The following SETBP1 variants were observed in gnomAD, a reference collection of about 807,000 sequenced individuals.
The protein encoded by SETBP1 is SET binding protein 1, also known as SET-binding protein.
A neutral mutation model predicts 101.0 loss-of-function variants in SETBP1; 9 were observed. That is an observed-to-expected ratio of 0.09 (90% CI 0.05 to 0.16). SETBP1 has a LOEUF of 0.16. SETBP1 is among the 10% of genes least tolerant of loss of function. The probability of loss-of-function intolerance (pLI) is 1.00; values close to 1 mark genes in which losing one functional copy is unlikely to be tolerated. For synonymous variants in SETBP1, 818 were observed against 788.5 expected (o/e 1.04, Z -0.63); for missense variants, 1,858 against 2,033.8 (o/e 0.91, Z 1.66).
At chr18:44,718,826 A>C (rs977452910) in intron 2 of SETBP1, among the ~76,000 whole-genome samples, 2 of 152,164 alleles carry the variant, frequency 1.3e-5, no homozygotes, top group African/African-American at 2.4e-5. Flanking sequence ...GCTGCTGCAG[A>C]TACTCTATAA....
chr18:44,774,138 A>G (rs1386614131), intron 2 of SETBP1, among the ~76,000 whole-genome samples: 2 of 152,192 alleles, frequency 1.3e-5, no homozygotes, highest in East Asian at 1.9e-4. Context: ...TTGGTTTACT[A>G]TGAGCTGACC....
intron 3 of SETBP1, among the ~76,000 whole-genome samples, chr18:44,895,185 G>T (rs1384318042): frequency 9.8e-6 from 1 of 102,088 alleles, no homozygotes; most frequent in Non-Finnish European, 2.1e-5. Flanking sequence ...GAGGGGAGGG[G>T]ATGGGAGGGG....
At position 44,950,845 on chromosome 18, in the gene SETBP1, T is replaced by C. The variant is rs189891219; in HGVS notation, c.1505T>C (p.Met502Thr). Residue 502 changes from methionine to threonine, a missense_variant, in exon 4 of 6, where the codon ATG becomes ACG. By Grantham distance (81) the Met-to-Thr change is moderately conservative. Coordinates refer to ENST00000649279, the MANE Select transcript of SETBP1 (RefSeq NM_015559.3). The part of the protein sequence containing the change: ...GGVSKPRKPP[M>T]VMTPPTCTDH... ...GTGTCTAAGCCGCGGAAGCCACCCA[T>C]GGTCATGACACCTCCAACGTGCACA... 4 of 1,614,108 alleles carry C rather than the reference T, an allele frequency of 2.5e-6. No homozygotes were observed. The highest frequency in any genetic ancestry group is 3.4e-6 in the Non-Finnish European group (4 of 1,180,010).
At chr18:45,006,250 C>A (rs999688211) in intron 4 of SETBP1, among the ~76,000 whole-genome samples, 3 of 152,144 alleles carry the variant, frequency 2.0e-5, no homozygotes, top group African/African-American at 7.2e-5. Context: ...CCATGCCCAG[C>A]CAAAAATCTT....
chr18:45,028,345 AT>A (rs1462614027), intron 4 of SETBP1, among the ~76,000 whole-genome samples: 4 of 151,766 alleles, frequency 2.6e-5, no homozygotes, highest in East Asian at 1.9e-4. Context: ...TGAACTCATC[AT>A]TTTTTATGGC....
intron 2 of SETBP1, among the ~76,000 whole-genome samples, chr18:44,851,619 T>A (rs2072866033): frequency 6.6e-6 from 1 of 152,158 alleles, no homozygotes; most frequent in African/African-American, 2.4e-5. Context: ...CCTTTTCCCC[T>A]CTCTCTTTCC....
chr18:44,957,486 C>T lies in SETBP1; in HGVS notation c.4000+4146C>T, dbSNP rs569484914. Reference sequence around the variant, plus strand: ...AAGTCCCCGAATGTTGAGTACTGTCCTCATGATGAGTGGATTCTGAGAACT... The same window carrying T: ...AAGTCCCCGAATGTTGAGTACTGTCTTCATGATGAGTGGATTCTGAGAACT... On this transcript the variant is annotated intron_variant, in intron 4 of 5. Coordinates refer to ENST00000649279, the MANE Select transcript of SETBP1 (RefSeq NM_015559.3). Among the ~76,000 whole-genome samples, 87 of 152,166 alleles carry T rather than the reference C, an allele frequency of 5.7e-4. 1 individual carries two copies. Among genetic ancestry groups the T allele is most frequent in the Middle Eastern group, 6.8e-3 (2 of 294 alleles).
intron 4 of SETBP1, among the ~76,000 whole-genome samples, chr18:44,999,623 C>T (rs2145325839): frequency 1.3e-5 from 2 of 152,290 alleles, no homozygotes; most frequent in Middle Eastern, 6.8e-3. Context: ...AGAGATAACT[C>T]GCAACGACCC....
chr18:44,888,132 C>G (rs2069690564), intron 3 of SETBP1, among the ~76,000 whole-genome samples: 1 of 152,068 alleles, frequency 6.6e-6, no homozygotes, highest in South Asian at 2.1e-4. Context: ...TGGTCCTGGT[C>G]TCTGCCAGGA....
chr18:44,985,247 G>C (rs2072206206), intron 4 of SETBP1, among the ~76,000 whole-genome samples: 1 of 151,932 alleles, frequency 6.6e-6, no homozygotes, highest in South Asian at 2.1e-4. Flanking sequence ...TGACAAGAAA[G>C]TCTTAAAAAA....
intron 3 of SETBP1, among the ~76,000 whole-genome samples, chr18:44,917,321 G>A (rs895943474): frequency 6.6e-6 from 1 of 152,102 alleles, no homozygotes; most frequent in African/African-American, 2.4e-5. Flanking sequence ...TGCTGTGTAG[G>A]GCCCACTCTA....
rs192495728 is a variant in SETBP1, at chr18:44,751,235, C to T, written c.486+49403C>T. ...AAACATGCTTTCCACATCAGCCTCA[C>T]CCTTCTGTTCCCCACAGCTAGCCAC... On this transcript the variant is annotated intron_variant, in intron 2 of 5. Coordinates refer to ENST00000649279, the MANE Select transcript of SETBP1 (RefSeq NM_015559.3). Among the ~76,000 whole-genome samples the T allele has an allele frequency of 1.4e-4, 22 of 152,308 alleles. No homozygotes were observed. In the East Asian group the frequency reaches 4.1e-3, roughly 28 times the overall value.
intron 3 of SETBP1, among the ~76,000 whole-genome samples, chr18:44,926,089 A>AG (rs1320306129): frequency 6.6e-6 from 1 of 152,098 alleles, no homozygotes; most frequent in Non-Finnish European, 1.5e-5. Flanking sequence ...TGTGTTTGAG[A>AG]GGGGGGTCTC....
intron 1 of SETBP1, among the ~76,000 whole-genome samples, chr18:44,685,091 C>T (rs1253291982): frequency 3.3e-5 from 5 of 152,138 alleles, no homozygotes; most frequent in African/African-American, 1.2e-4. Flanking sequence ...CACCCCCTCC[C>T]AGGAGCCCAT....
intron 2 of SETBP1, among the ~76,000 whole-genome samples, chr18:44,746,007 G>T (rs1347432056): frequency 6.6e-6 from 1 of 152,186 alleles, no homozygotes; most frequent in Non-Finnish European, 1.5e-5. Flanking sequence ...CTTGAATTGG[G>T]GCAGGGAGAT....
At chr18:44,690,652 C>T (rs1340043318) in intron 1 of SETBP1, among the ~76,000 whole-genome samples, 1 of 152,168 alleles carries the variant, frequency 6.6e-6, no homozygotes, top group African/African-American at 2.4e-5. Flanking sequence ...TGGAGTCAGA[C>T]ACAACTGCCC....
chr18:44,699,890 T>C lies in SETBP1; in HGVS notation c.-172-1285T>C, dbSNP rs935870618. On this transcript the variant is annotated intron_variant, in intron 1 of 5. Coordinates refer to ENST00000649279, the MANE Select transcript of SETBP1 (RefSeq NM_015559.3). ...TGGTCTTCAGGCTTCCAGTTCTTGGTTATTCTGAATATGTCTTTGCAGGCA... is the reference window on the plus strand; with the variant it reads ...TGGTCTTCAGGCTTCCAGTTCTTGGCTATTCTGAATATGTCTTTGCAGGCA... Among the ~76,000 whole-genome samples the C allele has an allele frequency of 2.0e-5, 3 of 152,330 alleles. No individual in the cohort carries two copies. In the East Asian group the frequency reaches 5.8e-4, roughly 29 times the overall value.
chr18:44,695,593 A>T (rs1310053710), intron 1 of SETBP1, among the ~76,000 whole-genome samples: 1 of 152,210 alleles, frequency 6.6e-6, no homozygotes. Context: ...AGATGAAAGA[A>T]ATGCCTTGTG....
chr18:44,757,536 A>G (rs971876072), intron 2 of SETBP1, among the ~76,000 whole-genome samples: 73 of 152,170 alleles, frequency 4.8e-4, no homozygotes, highest in African/African-American at 1.5e-3. Flanking sequence ...CACTACAGTT[A>G]ACTGGATTGC....
Sources: gnomAD v4.1 joint callset for allele counts (sites outside exome capture counted in the v4.1 genomes callset) on GRCh38, gnomAD v4.1.1 for gene constraint, MANE v1.5 for transcripts, NCBI Gene and HGNC (gene_info 2026-07-23, HGNC 2026-07-21) for gene names.